The following RFTN2 variants were observed in gnomAD, a reference collection of about 807,000 sequenced individuals.
RFTN2 encodes raftlin family member 2, also known as raftlin-2.
RFTN2 carries 34 observed loss-of-function variants against 52.7 expected under a neutral mutation model. The ratio of observed to expected loss-of-function variants is 0.64; its 90% CI spans 0.49 to 0.86. The LOEUF is 0.86. RFTN2 is among the 40% of genes least tolerant of loss of function. RFTN2 has a pLI of 0.00. For missense variants in RFTN2, 536 were observed against 600.1 expected (o/e 0.89, Z 1.12); for synonymous variants, 203 against 217.7 (o/e 0.93, Z 0.59).
At chr2:197,626,538 T>A (rs1423300360) in intron 5 of RFTN2, among the ~76,000 whole-genome samples, 1 of 143,202 alleles carries the variant, frequency 7.0e-6, no homozygotes, top group East Asian at 2.0e-4. Flanking sequence ...CACTCCAGCC[T>A]GGGTGACAGT....
At chr2:197,606,599 C>T (rs1335786429) in intron 7 of RFTN2, among the ~76,000 whole-genome samples, 1 of 151,840 alleles carries the variant, frequency 6.6e-6, no homozygotes, top group African/African-American at 2.4e-5. Context: ...GGACTAATAT[C>T]CAGAATCTAC....
At chr2:197,590,176 A>C (rs1455392785) in intron 8 of RFTN2, among the ~76,000 whole-genome samples, 1 of 152,088 alleles carries the variant, frequency 6.6e-6, no homozygotes, top group Non-Finnish European at 1.5e-5. Flanking sequence ...GAATGCTGAG[A>C]TTACAGGTGT....
intron 3 of RFTN2, among the ~76,000 whole-genome samples, chr2:197,642,848 C>G (rs903398790): frequency 6.6e-6 from 1 of 151,994 alleles, no homozygotes; most frequent in South Asian, 2.1e-4. Context: ...GCGTGGTGTC[C>G]CATGCCTACA....
chr2:197,631,189 A>G lies in RFTN2; in HGVS notation c.750T>C (p.Asn250=), dbSNP rs1245204587. Residue 250 remains asparagine, a synonymous_variant, in exon 5 of 9, where the codon AAT becomes AAC. Transcript: ENST00000295049. ...AGGAGGTTGAATCATCATCAAAAGC[A>G]TTGAAGACTGTATACAATTTGTTAT... ...ASDNKLYTVF[N]AFDDDSTSWA... 2.5e-6 allele frequency: 4 copies of G among 1,613,220 alleles called. No individual in the cohort carries two copies. Among genetic ancestry groups the G allele is most frequent in the Non-Finnish European group, 3.4e-6 (4 of 1,179,692 alleles).
intron 1 of RFTN2, among the ~76,000 whole-genome samples, chr2:197,659,051 A>G (rs2088935472): frequency 6.6e-6 from 1 of 152,238 alleles, no homozygotes; most frequent in African/African-American, 2.4e-5. Context: ...GTCATATACT[A>G]TGACTTTAAT....
At chr2:197,582,839 A>G (rs1437134822) in intron 8 of RFTN2, among the ~76,000 whole-genome samples, 3 of 152,206 alleles carry the variant, frequency 2.0e-5, no homozygotes, top group Non-Finnish European at 4.4e-5. Flanking sequence ...GTCAAATCCC[A>G]TCGCTCAGGG....
At chr2:197,635,005 C>G (rs112164382) in intron 3 of RFTN2, among the ~76,000 whole-genome samples, 13 of 149,850 alleles carry the variant, frequency 8.7e-5, no homozygotes, top group African/African-American at 3.2e-4. Flanking sequence ...TTTGTTCTTG[C>G]GATAGTTTAC....
intron 2 of RFTN2, among the ~76,000 whole-genome samples, chr2:197,645,725 G>A (rs554569923): frequency 2.0e-5 from 3 of 152,228 alleles, no homozygotes; most frequent in East Asian, 1.9e-4. Context: ...TCTTTCTGTC[G>A]TTAAAAGTTT....
intron 8 of RFTN2, among the ~76,000 whole-genome samples, chr2:197,588,193 G>A (rs1224499278): frequency 1.3e-5 from 2 of 151,988 alleles, no homozygotes; most frequent in South Asian, 2.1e-4. Context: ...TTAAAACCTC[G>A]GCATATTTTC....
At chr2:197,622,924 C>T (rs1156741315) in intron 5 of RFTN2, among the ~76,000 whole-genome samples, 1 of 152,116 alleles carries the variant, frequency 6.6e-6, no homozygotes, top group Non-Finnish European at 1.5e-5. Flanking sequence ...CTATTCAGAC[C>T]TACTGCTCAG....
intron 3 of RFTN2, among the ~76,000 whole-genome samples, chr2:197,640,186 C>G (rs1324397340): frequency 1.3e-5 from 2 of 149,226 alleles, no homozygotes; most frequent in African/African-American, 5.0e-5. Flanking sequence ...TTACTGCTGT[C>G]TTTTTGTCTG....
intron 5 of RFTN2, among the ~76,000 whole-genome samples, chr2:197,629,861 A>G (rs2088436560): frequency 6.6e-6 from 1 of 151,878 alleles, no homozygotes; most frequent in African/African-American, 2.4e-5. Flanking sequence ...GTAGCTGGGA[A>G]TACAGGTGGC....
intron 7 of RFTN2, among the ~76,000 whole-genome samples, chr2:197,614,672 G>A (rs964326314): frequency 1.3e-5 from 2 of 152,210 alleles, no homozygotes; most frequent in Non-Finnish European, 2.9e-5. Context: ...CTGCCCATCT[G>A]TGTGCTTCCC....
At chr2:197,670,104 A>G (rs991434870) in intron 1 of RFTN2, among the ~76,000 whole-genome samples, 2 of 152,130 alleles carry the variant, frequency 1.3e-5, no homozygotes, top group African/African-American at 4.8e-5. Flanking sequence ...CAGTGTGCTA[A>G]GAGTTGGCGA....
intron 5 of RFTN2, among the ~76,000 whole-genome samples, chr2:197,620,796 A>G (rs1044789520): frequency 1.8e-4 from 27 of 152,092 alleles, no homozygotes; most frequent in African/African-American, 6.3e-4. Flanking sequence ...GAAAAAACCC[A>G]TATCTACTAA....
Position 197,617,843 on chromosome 2 carries a change from T to G in RFTN2, c.1007A>C (p.Lys336Thr). The G allele has an allele frequency of 6.2e-7, 1 of 1,609,096 alleles. No homozygotes were observed. Among genetic ancestry groups the G allele is most frequent in the Non-Finnish European group, 8.5e-7 (1 of 1,176,580 alleles). Residue 336 changes from lysine to threonine, a missense_variant, in exon 6 of 9, where the codon AAA becomes ACA. Lys to Thr is a moderately conservative substitution (Grantham distance 78). Transcript: ENST00000295049. ...EGSGVPGSSR[K>T]GNDAIVVEQW... Reference sequence around the variant, plus strand: ...TTCTACTACGATGGCATCATTTCCTTTCCTACTAGAACCTGGAACTCCAGA... The same window carrying G: ...TTCTACTACGATGGCATCATTTCCTGTCCTACTAGAACCTGGAACTCCAGA...
intron 8 of RFTN2, among the ~76,000 whole-genome samples, chr2:197,582,615 C>T (rs550803977): frequency 6.6e-6 from 1 of 152,348 alleles, no homozygotes; most frequent in Non-Finnish European, 1.5e-5. Context: ...CAAGCCCTCA[C>T]TCTTGCAAAG....
rs139544598 is a variant in RFTN2 at position 197,675,382 on chromosome 2, G to T, written c.77C>A (p.Pro26Gln). Residue 26 changes from proline to glutamine, a missense_variant, in exon 1 of 9, where the codon CCG becomes CAG. Physicochemically the swap from Pro to Gln is moderately conservative, Grantham distance 76. Coordinates refer to ENST00000295049, the MANE Select transcript of RFTN2 (RefSeq NM_144629.3). ...PGKIFSTLKR[P>Q]QVETKTEFAY... is the part of the protein sequence containing the mutation. ...AAATTCTGTCTTTGTTTCCACTTGC[G>T]GTCTCTTCAGGGTAGAAAATATTTT... is the stretch of plus-strand genomic sequence containing the variant. 1.9e-6 allele frequency: 3 copies of T among 1,603,970 alleles called. No individual in the cohort carries two copies. In the African/African-American group the frequency reaches 4.0e-5, roughly 22 times the overall value.
At position 197,618,081 on chromosome 2, in the gene RFTN2, C is replaced by G. The variant is rs1574711085; in HGVS notation, c.929-160G>C. 2.2e-5 allele frequency: 8 copies of G among 366,362 alleles called. No homozygotes were observed. In the East Asian group the frequency reaches 4.0e-4, roughly 18 times the overall value. 22.7% of individuals were successfully genotyped at this position (366,362 alleles called of 1,614,324 possible). A position where few individuals can be genotyped will look rare whatever the true frequency, so the allele number is the denominator to read the frequency against. Reference sequence around the variant, plus strand: ...CCCTCCCCCTCTCCCTCTCCCTCTCCCTCTCCCCACGGTCTCCCTCTCCCT... The same window carrying G: ...CCCTCCCCCTCTCCCTCTCCCTCTCGCTCTCCCCACGGTCTCCCTCTCCCT... On this transcript the variant is annotated intron_variant, in intron 5 of 8. Transcript: ENST00000295049.
Sources: allele counts gnomAD v4.1 joint callset (sites outside exome capture counted in the v4.1 genomes callset), GRCh38; gene constraint gnomAD v4.1.1; transcripts MANE v1.5; gene names NCBI Gene and HGNC (gene_info 2026-07-23, HGNC 2026-07-21).